CAB39: variants seen among roughly 807,000 people sequenced by gnomAD.
The protein encoded by CAB39 is calcium-binding protein 39.
CAB39 carries 8 observed loss-of-function variants against 40.0 expected under a neutral mutation model. That is an observed-to-expected ratio of 0.20 (90% CI 0.12 to 0.36). The LOEUF is 0.36. Among genes scored for constraint, CAB39 ranks in the 10% least tolerant of loss-of-function variants. CAB39 has a pLI of 1.00. For synonymous variants in CAB39, 156 were observed against 141.6 expected (o/e 1.10, Z -0.72); for missense variants, 270 against 401.1 (o/e 0.67, Z 2.79).
intron 2 of CAB39, among the ~76,000 whole-genome samples, chr2:230,790,259 G>A (rs749212516): frequency 5.3e-5 from 8 of 151,730 alleles, no homozygotes; most frequent in East Asian, 1.9e-4. Flanking sequence ...AAAAAATGTC[G>A]TTTTATGTAT....
At chr2:230,756,818 G>A (rs58574262) in intron 1 of CAB39, among the ~76,000 whole-genome samples, 2,190 of 151,986 alleles carry the variant, frequency 0.014, 49 homozygotes, top group African/African-American at 0.05. Flanking sequence ...TCAGCCTCCT[G>A]AGTAGCTGGG....
chr2:230,717,543 G>C (rs1395118560), intron 1 of CAB39, among the ~76,000 whole-genome samples: 1 of 152,178 alleles, frequency 6.6e-6, no homozygotes, highest in African/African-American at 2.4e-5. Context: ...GCAGAGCAAA[G>C]TGAAGCAAAT....
At chr2:230,716,823 A>G (rs1273751552) in intron 1 of CAB39, among the ~76,000 whole-genome samples, 1 of 152,180 alleles carries the variant, frequency 6.6e-6, no homozygotes, top group East Asian at 1.9e-4. Flanking sequence ...GCAACATAGC[A>G]AGACCCTATA....
intron 1 of CAB39, among the ~76,000 whole-genome samples, chr2:230,745,888 G>T (rs1481899873): frequency 6.6e-6 from 1 of 152,046 alleles, no homozygotes; most frequent in African/African-American, 2.4e-5. Context: ...GCCTCCCAAA[G>T]TGCTGGGATT....
In CAB39 at chr2:230,756,927, G is replaced by A. The variant is rs61003474; in HGVS notation, c.-43-3032G>A. 2.4e-4 allele frequency among the ~76,000 whole-genome samples: 37 copies of A among 152,252 alleles called. 1 individual carries two copies. The East Asian group carries it at 6.0e-3, about 25-fold the overall frequency. The stretch of plus-strand genomic sequence containing the variant: ...AGGCTGGCCTGGAACTCCTGACCTC[G>A]TGATCTGCTGGCCTCGTCCTCCCAA... On this transcript the variant is annotated intron_variant, in intron 1 of 8. Transcript: ENST00000258418.
At chr2:230,799,863 G>A (rs1336646974) in intron 5 of CAB39, among the ~76,000 whole-genome samples, 1 of 152,016 alleles carries the variant, frequency 6.6e-6, no homozygotes, top group Non-Finnish European at 1.5e-5. Context: ...AGTGGCGCAT[G>A]CCTGTAATCA....
At chr2:230,754,362 C>T (rs962894107) in intron 1 of CAB39, among the ~76,000 whole-genome samples, 1 of 147,946 alleles carries the variant, frequency 6.8e-6, no homozygotes, top group East Asian at 2.0e-4. Context: ...CCTCTTCTTC[C>T]GTCCCCTTCT....
At chr2:230,733,424 C>G (rs1308019305) in intron 1 of CAB39, among the ~76,000 whole-genome samples, 1 of 152,180 alleles carries the variant, frequency 6.6e-6, no homozygotes, top group East Asian at 1.9e-4. Context: ...CTGTAGCATT[C>G]CTTCCTTGAA....
chr2:230,816,379 T>C (rs1696400968), intron 7 of CAB39, among the ~76,000 whole-genome samples: 1 of 152,216 alleles, frequency 6.6e-6, no homozygotes, highest in African/African-American at 2.4e-5. Flanking sequence ...ATACTAACTT[T>C]TCAGTCTTTG....
intron 1 of CAB39, among the ~76,000 whole-genome samples, chr2:230,755,006 A>G (rs903891437): frequency 1.3e-5 from 2 of 152,186 alleles, no homozygotes; most frequent in Admixed American, 6.5e-5. Context: ...GGTTGCTGCA[A>G]ATGCTGTTCA....
At position 230,748,834 on chromosome 2, in the gene CAB39, ATATATATAT is replaced by A. The variant is rs1559597050; in HGVS notation, c.-43-11124_-43-11116del. ...AAAAGAAAAAAAAAAAAAAAAAAAT[ATATATATAT>A]ATATATATATATATATATATATATA... On this transcript the variant is annotated intron_variant, in intron 1 of 8. Transcript: ENST00000258418. Among the ~76,000 whole-genome samples the A allele has an allele frequency of 1.5e-3, 83 of 53,894 alleles. 1 individual carries two copies. Among genetic ancestry groups the A allele is most frequent in the African/African-American group, 5.0e-3 (31 of 6,222 alleles). 35.4% of individuals were successfully genotyped at this position (53,894 alleles called of 152,430 possible).
chr2:230,758,297 CA>C (rs201939916), intron 1 of CAB39, among the ~76,000 whole-genome samples: 1,409 of 73,386 alleles, frequency 0.019, 7 homozygotes, highest in African/African-American at 0.037. Context: ...AGCGAGACTC[CA>C]AAAAAAAAAA....
intron 5 of CAB39, among the ~76,000 whole-genome samples, chr2:230,799,786 T>A (rs1256567423): frequency 9.3e-5 from 14 of 150,962 alleles, no homozygotes; most frequent in African/African-American, 3.4e-4. Flanking sequence ...AGGTCGGGAG[T>A]TCGAGACCAG....
At chr2:230,738,131 C>T (rs904546017) in intron 1 of CAB39, among the ~76,000 whole-genome samples, 3 of 152,224 alleles carry the variant, frequency 2.0e-5, no homozygotes, top group Non-Finnish European at 2.9e-5. Context: ...GTTCAAGAAA[C>T]GTCTCCGCTG....
rs572589100 is a variant in CAB39, at chr2:230,731,687, C to T, written c.-44+18457C>T. Among the ~76,000 whole-genome samples, 47 of 152,168 alleles carry T rather than the reference C, an allele frequency of 3.1e-4. 1 individual carries two copies. The highest frequency in any genetic ancestry group is 1.1e-3 in the African/African-American group (45 of 41,514). On this transcript the variant is annotated intron_variant, in intron 1 of 8. Coordinates refer to ENST00000258418, the MANE Select transcript of CAB39 (RefSeq NM_016289.4). ...CTAATTTTTAAATTTCTTGTAGACA[C>T]GGGGTCTTGCTATGTTGCCCAGCCT... is the stretch of plus-strand genomic sequence containing the variant.
chr2:230,723,507 T>G (rs1251117308), intron 1 of CAB39, among the ~76,000 whole-genome samples: 1 of 152,202 alleles, frequency 6.6e-6, no homozygotes, highest in Non-Finnish European at 1.5e-5. Flanking sequence ...TCTTCATCTC[T>G]ACGTTCCTGG....
chr2:230,721,806 T>C (rs1694457810), intron 1 of CAB39, among the ~76,000 whole-genome samples: 1 of 152,208 alleles, frequency 6.6e-6, no homozygotes, highest in Admixed American at 6.5e-5. Context: ...TATTGGCAAA[T>C]TGAGAAATAC....
chr2:230,747,497 G>C (rs567351261), intron 1 of CAB39, among the ~76,000 whole-genome samples: 1 of 152,230 alleles, frequency 6.6e-6, no homozygotes, highest in Admixed American at 6.5e-5. Context: ...ATGTAGATTG[G>C]AACAGTTAAG....
chr2:230,735,998 A>G (rs941778554), intron 1 of CAB39, among the ~76,000 whole-genome samples: 6 of 152,188 alleles, frequency 3.9e-5, no homozygotes, highest in African/African-American at 1.4e-4. Context: ...TCTTTGAGAG[A>G]TGGAAGAGTT....
Sources: allele counts gnomAD v4.1 joint callset (sites outside exome capture counted in the v4.1 genomes callset), GRCh38; gene constraint gnomAD v4.1.1; transcripts MANE v1.5; gene names NCBI Gene and HGNC (gene_info 2026-07-23, HGNC 2026-07-21).